MCU: variants seen among roughly 807,000 people sequenced by gnomAD.
The protein encoded by MCU is mitochondrial calcium uniporter, also known as calcium uniporter protein, mitochondrial.
Under a neutral mutation model 45.2 loss-of-function variants are expected in MCU, and 12 were observed. The ratio of observed to expected loss-of-function variants is 0.27; its 90% CI spans 0.17 to 0.43. The LOEUF is 0.43. Ranked by LOEUF, MCU falls within the 20% of genes least tolerant of loss-of-function variation. MCU has a pLI of 1.00. For synonymous variants in MCU, 160 were observed against 165.1 expected (o/e 0.97, Z 0.24); for missense variants, 324 against 436.7 (o/e 0.74, Z 2.30).
intron 1 of MCU, among the ~76,000 whole-genome samples, chr10:72,789,099 G>T (rs1844120000): frequency 6.6e-6 from 1 of 152,140 alleles, no homozygotes; most frequent in Admixed American, 6.5e-5. Flanking sequence ...TAAGGAGTAG[G>T]TTTGGGGTAT....
In MCU at chr10:72,821,305, A is replaced by C. The variant is rs1329801518; in HGVS notation, c.151-13054A>C. ...GATCAACATTTTCTTAATGGAATGC[A>C]CCCTTCATATAAAATGTAATTAAGT... On this transcript the variant is annotated intron_variant, in intron 1 of 7. Transcript: ENST00000373053. 2.0e-5 allele frequency among the ~76,000 whole-genome samples: 3 copies of C among 151,914 alleles called. No individual in the cohort carries two copies. In the East Asian group the frequency reaches 5.8e-4, roughly 29 times the overall value.
At chr10:72,876,447 C>T (rs1446288447) in intron 6 of MCU, among the ~76,000 whole-genome samples, 2 of 152,154 alleles carry the variant, frequency 1.3e-5, no homozygotes, top group Non-Finnish European at 2.9e-5. Context: ...CTATAAACTC[C>T]TAATATTGGA....
Position 72,706,824 on chromosome 10 carries a change from C to G in MCU, c.150+14523C>G, listed in dbSNP as rs190650780. On this transcript the variant is annotated intron_variant, in intron 1 of 7. Coordinates refer to ENST00000373053, the MANE Select transcript of MCU (RefSeq NM_138357.3). ...TGCTGGGATTATAGACGTAAACCAC[C>G]GCACCCGGCCTTTTTTTTTTTTTTT... Among the ~76,000 whole-genome samples the G allele has an allele frequency of 2.0e-5, 3 of 149,512 alleles. No homozygotes were observed. The Admixed American group carries it at 2.0e-4, about 10-fold the overall frequency.
intron 6 of MCU, among the ~76,000 whole-genome samples, chr10:72,878,263 A>G (rs965146969): frequency 6.6e-5 from 10 of 151,652 alleles, no homozygotes; most frequent in African/African-American, 1.7e-4. Context: ...GACTACAAGC[A>G]CATATCACCA....
intron 1 of MCU, among the ~76,000 whole-genome samples, chr10:72,722,287 G>A (rs2132673429): frequency 8.1e-6 from 1 of 124,084 alleles, no homozygotes; most frequent in African/African-American, 3.3e-5. Flanking sequence ...TTGCACTCCA[G>A]CCTGGGCAAC....
chr10:72,780,552 T>TGTGTGTGTGTGTGTGTGTG (rs770728826), intron 1 of MCU, among the ~76,000 whole-genome samples: 39 of 20,302 alleles, frequency 1.9e-3, no homozygotes, highest in East Asian at 0.014. Context: ...GTGTGTGTGT[T>TGTGTGTGTGTGTGTGTGTG]GGGTGAATTT....
At chr10:72,831,877 T>C (rs1844884174) in intron 1 of MCU, among the ~76,000 whole-genome samples, 1 of 152,008 alleles carries the variant, frequency 6.6e-6, no homozygotes, top group Non-Finnish European at 1.5e-5. Flanking sequence ...TAAAGCACAG[T>C]AATGTAGGAG....
intron 2 of MCU, among the ~76,000 whole-genome samples, chr10:72,848,878 A>G (rs1278297712): frequency 6.6e-6 from 1 of 152,164 alleles, no homozygotes; most frequent in African/African-American, 2.4e-5. Context: ...CAAGGCTGGA[A>G]TTAAGGACTC....
intron 6 of MCU, among the ~76,000 whole-genome samples, chr10:72,873,013 GTTTTTTT>G (rs1193681306): frequency 9.3e-4 from 83 of 88,848 alleles, no homozygotes; most frequent in African/African-American, 3.9e-3. Flanking sequence ...TGTTTTTTGG[GTTTTTTT>G]TTTTTTTTTT....
intron 2 of MCU, among the ~76,000 whole-genome samples, chr10:72,839,182 G>A (rs972990139): frequency 6.6e-6 from 1 of 151,960 alleles, no homozygotes; most frequent in Admixed American, 6.6e-5. Flanking sequence ...TAGAGAGGGG[G>A]TTTCACCATG....
intron 1 of MCU, among the ~76,000 whole-genome samples, chr10:72,731,946 C>G (rs1843180608): frequency 6.6e-6 from 1 of 152,266 alleles, no homozygotes; most frequent in Non-Finnish European, 1.5e-5. Context: ...TTTTATTTCT[C>G]TTGGGTATAT....
At chr10:72,715,899 G>A (rs952051972) in intron 1 of MCU, 5 of 984,994 alleles carry the variant, frequency 5.1e-6, no homozygotes, top group African/African-American at 3.5e-5. Flanking sequence ...TTGAACATTC[G>A]CAGGTATGTG....
intron 1 of MCU, among the ~76,000 whole-genome samples, chr10:72,763,989 A>G (rs373639149): frequency 3.9e-5 from 6 of 151,904 alleles, no homozygotes; most frequent in South Asian, 2.1e-4. Flanking sequence ...CTAAATTTCT[A>G]TTTTTTTTCT....
chr10:72,774,135 G>A (rs778896479), intron 1 of MCU, among the ~76,000 whole-genome samples: 1 of 152,172 alleles, frequency 6.6e-6, no homozygotes, highest in Non-Finnish European at 1.5e-5. Flanking sequence ...GTGGTGTGCA[G>A]TACACTTATA....
intron 5 of MCU, among the ~76,000 whole-genome samples, chr10:72,870,650 T>G (rs4237278): frequency 1.3e-5 from 2 of 152,240 alleles, no homozygotes; most frequent in Non-Finnish European, 2.9e-5. Context: ...TTGCAGATCA[T>G]CGCTCTGAAT....
intron 1 of MCU, among the ~76,000 whole-genome samples, chr10:72,766,202 T>C (rs763323942): frequency 2.0e-5 from 3 of 152,204 alleles, no homozygotes; most frequent in African/African-American, 4.8e-5. Context: ...TCAATTGGAA[T>C]AAAGTTAAGA....
intron 1 of MCU, among the ~76,000 whole-genome samples, chr10:72,796,307 C>T (rs1445612884): frequency 6.6e-6 from 1 of 152,024 alleles, no homozygotes; most frequent in Non-Finnish European, 1.5e-5. Flanking sequence ...GGTGTGATGG[C>T]ACGCACCTGT....
intron 1 of MCU, among the ~76,000 whole-genome samples, chr10:72,798,698 A>G (rs1844290931): frequency 6.6e-6 from 1 of 152,080 alleles, no homozygotes; most frequent in African/African-American, 2.4e-5. Flanking sequence ...ATAAGTCAAA[A>G]TAATACAGAA....
intron 1 of MCU, among the ~76,000 whole-genome samples, chr10:72,713,482 G>A (rs1480515583): frequency 2.0e-5 from 3 of 152,176 alleles, no homozygotes; most frequent in African/African-American, 4.8e-5. Context: ...ACTTCACCAT[G>A]TTGGCCAGGC....
Sources: allele counts gnomAD v4.1 joint callset (sites outside exome capture counted in the v4.1 genomes callset), GRCh38; gene constraint gnomAD v4.1.1; transcripts MANE v1.5; gene names NCBI Gene and HGNC (gene_info 2026-07-23, HGNC 2026-07-21).